The following SMYD3 variants were observed in gnomAD, a reference collection of about 807,000 sequenced individuals.
SMYD3 encodes the protein histone-lysine N-methyltransferase SMYD3.
Under a neutral mutation model 57.7 loss-of-function variants are expected in SMYD3, and 36 were observed. That is an observed-to-expected ratio of 0.62 (90% CI 0.48 to 0.82). The LOEUF (loss-of-function observed/expected upper bound fraction) is 0.82. Ranked by LOEUF, SMYD3 falls within the 40% of genes least tolerant of loss-of-function variation. The probability of loss-of-function intolerance (pLI) is 0.00; values close to 1 mark genes in which losing one functional copy is unlikely to be tolerated. For synonymous variants in SMYD3, 211 were observed against 195.0 expected (o/e 1.08, Z -0.68); for missense variants, 515 against 538.8 (o/e 0.96, Z 0.44).
At chr1:246,352,526 T>C (rs1444908155) in intron 2 of SMYD3, among the ~76,000 whole-genome samples, 1 of 152,232 alleles carries the variant, frequency 6.6e-6, no homozygotes, top group East Asian at 1.9e-4. Context: ...TAAACGCATA[T>C]GTTCTGGCCA....
At chr1:246,282,380 G>A (rs940915932) in intron 5 of SMYD3, among the ~76,000 whole-genome samples, 2 of 146,620 alleles carry the variant, frequency 1.4e-5, no homozygotes, top group Non-Finnish European at 3.0e-5. Context: ...CCACCTGTAG[G>A]CCCAGCTACT....
At chr1:246,374,418 A>T (rs1359765033) in intron 1 of SMYD3, among the ~76,000 whole-genome samples, 1 of 152,184 alleles carries the variant, frequency 6.6e-6, no homozygotes, top group Admixed American at 6.5e-5. Context: ...GTCAAACAAG[A>T]AGACACTGCC....
At chr1:246,144,095 C>G (rs566482334) in intron 5 of SMYD3, among the ~76,000 whole-genome samples, 13 of 152,294 alleles carry the variant, frequency 8.5e-5, no homozygotes, top group African/African-American at 2.6e-4. Context: ...CCCGGCAAGG[C>G]TCTCCTCACC....
At chr1:245,865,026 A>G (rs905542518) in intron 8 of SMYD3, among the ~76,000 whole-genome samples, 3 of 152,228 alleles carry the variant, frequency 2.0e-5, no homozygotes, top group Non-Finnish European at 2.9e-5. Flanking sequence ...TGGCCAGTGT[A>G]CGTCTGGCAT....
At chr1:245,993,595 T>TAGATAGATAGAC (rs757758005) in intron 5 of SMYD3, among the ~76,000 whole-genome samples, 2,248 of 23,400 alleles carry the variant, frequency 0.096, 43 homozygotes, top group Middle Eastern at 0.19. Context: ...GATAGATAGA[T>TAGATAGATAGAC]AGATAGATAG....
intron 5 of SMYD3, among the ~76,000 whole-genome samples, chr1:245,948,288 C>T (rs1363884365): frequency 2.0e-5 from 3 of 152,152 alleles, no homozygotes. Context: ...AACAGATCAT[C>T]TAACAGAGAA....
intron 8 of SMYD3, among the ~76,000 whole-genome samples, chr1:245,898,838 CA>C (rs1460679691): frequency 6.6e-6 from 1 of 152,206 alleles, no homozygotes; most frequent in Non-Finnish European, 1.5e-5. Flanking sequence ...CTTATGGAAA[CA>C]ATCAATTCCA....
intron 5 of SMYD3, among the ~76,000 whole-genome samples, chr1:245,947,916 AAGATTCTTTACTTGGCCAAACTCAGAGG>A (rs2057480282): frequency 6.6e-6 from 1 of 152,330 alleles, no homozygotes; most frequent in South Asian, 2.1e-4. Flanking sequence ...ACTAGTGACA[AAGATTCTTTACTTGGCCAAACTCAGAGG>A]AGATTCTTTA....
chr1:246,335,393 G>A lies in SMYD3; in HGVS notation c.310C>T (p.Leu104Phe), dbSNP rs146150980. Residue 104 changes from leucine (L) to phenylalanine (F), a missense_variant, in exon 3 of 12, where the codon CTT (leucine) becomes TTT (phenylalanine). Coordinates refer to ENST00000490107, the MANE Select transcript of SMYD3 (RefSeq NM_001167740.2). ...AGTTTGAAGACAACTCTGCCAAGAA[G>A]TCGAACGGAGTCTGGAGGATATCTG... ...KPRYPPDSVRLLGRVVFKLMD... is the reference protein window; with the variant it reads ...KPRYPPDSVRFLGRVVFKLMD... 6.2e-7 allele frequency: 1 copy of A among 1,613,998 alleles called. No homozygotes were observed. The highest frequency in any genetic ancestry group is 1.3e-5 in the African/African-American group (1 of 74,926).
At chr1:246,356,685 A>G (rs188185453) in intron 1 of SMYD3, among the ~76,000 whole-genome samples, 1 of 152,334 alleles carries the variant, frequency 6.6e-6, no homozygotes, top group East Asian at 1.9e-4. Flanking sequence ...ACAAGCAGAA[A>G]AAAGTACTTC....
chr1:246,459,153 C>G (rs545276851), intron 1 of SMYD3, among the ~76,000 whole-genome samples: 1 of 152,252 alleles, frequency 6.6e-6, no homozygotes, highest in African/African-American at 2.4e-5. Flanking sequence ...AGCACGTCCC[C>G]CTTCACTCTC....
In SMYD3 at chr1:245,821,373, T is replaced by C. The variant is rs1281367012; in HGVS notation, c.1076+37123A>G. Among the ~76,000 whole-genome samples the C allele has an allele frequency of 3.5e-5, 3 of 85,678 alleles. 1 individual carries two copies. In the East Asian group the frequency reaches 8.7e-4, roughly 25 times the overall value. The allele number at this position is 85,678 out of a possible 152,430, so 56.2% of individuals were successfully genotyped here. ...GAAAGCTGAAACTGGATCCCTTTCT[T>C]ACACCTTATAGAAAAATCAATTCAA... On this transcript the variant is annotated intron_variant, in intron 10 of 11. Transcript: ENST00000490107.
intron 5 of SMYD3, chr1:245,953,345 A>T (rs1558529073): frequency 8.1e-6 from 8 of 989,452 alleles, no homozygotes; most frequent in Non-Finnish European, 8.5e-6. Context: ...AACATTTTTT[A>T]GGATGTAACT....
At chr1:246,041,736 T>G (rs563787734) in intron 5 of SMYD3, among the ~76,000 whole-genome samples, 1 of 152,172 alleles carries the variant, frequency 6.6e-6, no homozygotes, top group East Asian at 1.9e-4. Context: ...GGAAGAGAAT[T>G]GGAGGGGGTA....
At chr1:246,467,112 G>A (rs2103044811) in intron 1 of SMYD3, among the ~76,000 whole-genome samples, 1 of 152,226 alleles carries the variant, frequency 6.6e-6, no homozygotes, top group South Asian at 2.1e-4. Context: ...GGAGGTTGGA[G>A]TGGGCTGAGA....
intron 5 of SMYD3, among the ~76,000 whole-genome samples, chr1:246,041,849 CT>C (rs2059881990): frequency 6.6e-6 from 1 of 152,002 alleles, no homozygotes; most frequent in Admixed American, 6.6e-5. Context: ...AATACATACG[CT>C]TTAATCATAA....
At chr1:246,487,413 T>C (rs1161206514) in intron 1 of SMYD3, among the ~76,000 whole-genome samples, 1 of 151,814 alleles carries the variant, frequency 6.6e-6, no homozygotes, top group African/African-American at 2.4e-5. Context: ...TGAGCCGAGA[T>C]TGCACCACTG....
chr1:246,029,461 C>G (rs1558164446), intron 5 of SMYD3, among the ~76,000 whole-genome samples: 2 of 151,944 alleles, frequency 1.3e-5, no homozygotes, highest in African/African-American at 2.4e-5. Flanking sequence ...CACCTGAGGT[C>G]AGGAGTTCAG....
intron 10 of SMYD3, among the ~76,000 whole-genome samples, chr1:245,846,942 G>A (rs988202907): frequency 6.6e-6 from 1 of 152,148 alleles, no homozygotes; most frequent in Non-Finnish European, 1.5e-5. Context: ...CTTTATGCAG[G>A]AAGAGCAATT....
Sources: gnomAD v4.1 joint callset for allele counts (sites outside exome capture counted in the v4.1 genomes callset) on GRCh38, gnomAD v4.1.1 for gene constraint, MANE v1.5 for transcripts, NCBI Gene and HGNC (gene_info 2026-07-23, HGNC 2026-07-21) for gene names.